Variants in GRIA1 observed in about 807,000 individuals in gnomAD.
GRIA1 encodes the protein glutamate receptor 1.
In GRIA1, 31 loss-of-function variants were observed where a neutral mutation model predicts 99.2. That is an observed-to-expected ratio of 0.31 (90% CI 0.23 to 0.42). The LOEUF (loss-of-function observed/expected upper bound fraction) is 0.42. Among genes scored for constraint, GRIA1 ranks in the 10% least tolerant of loss-of-function variants. The pLI is 1.00. For missense variants in GRIA1, 782 were observed against 1,157.5 expected (o/e 0.68, Z 4.71); for synonymous variants, 438 against 432.4 (o/e 1.01, Z -0.16).
intron 2 of GRIA1, among the ~76,000 whole-genome samples, chr5:153,591,471 A>G (rs1303265456): frequency 6.6e-6 from 1 of 152,218 alleles, no homozygotes; most frequent in Non-Finnish European, 1.5e-5. Context: ...ACAGGTATTC[A>G]TAATACATAA....
chr5:153,561,966 C>T (rs72800792), intron 2 of GRIA1, among the ~76,000 whole-genome samples: 14,740 of 152,136 alleles, frequency 0.097, 794 homozygotes, highest in South Asian at 0.19. Context: ...TAAAGCAAAG[C>T]GATAGAACAC....
intron 11 of GRIA1, chr5:153,755,603 A>C (rs1762776702): frequency 6.6e-6 from 1 of 152,208 alleles, no homozygotes; most frequent in Non-Finnish European, 1.5e-5. Flanking sequence ...CAAAACTCTG[A>C]TGCTGATCAG....
intron 2 of GRIA1, among the ~76,000 whole-genome samples, chr5:153,580,180 G>A (rs2149374255): frequency 6.6e-6 from 1 of 152,286 alleles, no homozygotes; most frequent in Admixed American, 6.5e-5. Context: ...TCCCCTCTGA[G>A]GACCATCTTA....
chr5:153,584,607 G>A (rs934810379), intron 2 of GRIA1, among the ~76,000 whole-genome samples: 22 of 152,108 alleles, frequency 1.4e-4, no homozygotes, highest in Non-Finnish European at 2.9e-5. Context: ...GGGACCCTGA[G>A]GAAGACATCA....
intron 5 of GRIA1, among the ~76,000 whole-genome samples, chr5:153,671,710 C>T (rs1306043474): frequency 2.0e-5 from 3 of 152,190 alleles, no homozygotes; most frequent in African/African-American, 7.2e-5. Context: ...TGAGGAAAGT[C>T]TCTGGCTTTT....
chr5:153,717,586 T>C (rs895287023), intron 11 of GRIA1, among the ~76,000 whole-genome samples: 7 of 152,112 alleles, frequency 4.6e-5, no homozygotes, highest in East Asian at 3.9e-4. Flanking sequence ...ACCATGACTT[T>C]TGGGGCCCTG....
intron 2 of GRIA1, among the ~76,000 whole-genome samples, chr5:153,577,502 G>A (rs1369785466): frequency 6.6e-6 from 1 of 152,170 alleles, no homozygotes; most frequent in African/African-American, 2.4e-5. Flanking sequence ...TGTAGATAAT[G>A]TGTTTGGAGT....
chr5:153,753,048 A>G (rs984925918), intron 11 of GRIA1, among the ~76,000 whole-genome samples: 4 of 152,222 alleles, frequency 2.6e-5, no homozygotes, highest in Non-Finnish European at 5.9e-5. Context: ...CCTCAATCCT[A>G]TAACCACAAG....
intron 11 of GRIA1, among the ~76,000 whole-genome samples, chr5:153,707,888 T>A (rs756482732): frequency 9.2e-5 from 14 of 151,820 alleles, no homozygotes; most frequent in Admixed American, 2.0e-4. Context: ...AAACACATGG[T>A]GAAGAGTAGA....
chr5:153,490,620 G>A (rs1428003375), upstream of GRIA1: 5 of 516,666 alleles, frequency 9.7e-6, no homozygotes, highest in South Asian at 2.1e-5. Flanking sequence ...GAGGGAGTGG[G>A]GGAGCCAGCG....
At chr5:153,577,760 G>A (rs943118891) in intron 2 of GRIA1, among the ~76,000 whole-genome samples, 7 of 152,204 alleles carry the variant, frequency 4.6e-5, no homozygotes, top group African/African-American at 1.7e-4. Context: ...ACACAGTAGT[G>A]AGTAAGGGGG....
chr5:153,643,898 T>A (rs1213282866), intron 2 of GRIA1, among the ~76,000 whole-genome samples: 4 of 152,172 alleles, frequency 2.6e-5, no homozygotes, highest in Non-Finnish European at 5.9e-5. Flanking sequence ...CATCTCACCC[T>A]TTCCTACTTC....
rs2112738 is a variant in GRIA1 at position 153,607,065 on chromosome 5, A to G, written c.221-39863A>G. 2.8e-3 allele frequency among the ~76,000 whole-genome samples: 407 copies of G among 147,380 alleles called. 9 individuals are homozygous for G. The highest frequency in any genetic ancestry group is 9.9e-3 in the African/African-American group (400 of 40,362). On this transcript the variant is annotated intron_variant, in intron 2 of 15. Coordinates refer to ENST00000285900, the MANE Select transcript of GRIA1 (RefSeq NM_000827.4). ...AAGATATATATATATATATATATAT[A>G]TATAATCACAGTTTCTTTATCCACT...
intron 5 of GRIA1, among the ~76,000 whole-genome samples, chr5:153,659,533 C>T (rs1755205842): frequency 6.6e-6 from 1 of 152,098 alleles, no homozygotes; most frequent in Admixed American, 6.6e-5. Flanking sequence ...CAGAGTCCTT[C>T]AGAGTTGTAG....
intron 2 of GRIA1, among the ~76,000 whole-genome samples, chr5:153,537,713 T>C (rs1758712456): frequency 6.6e-6 from 1 of 152,322 alleles, no homozygotes; most frequent in South Asian, 2.1e-4. Context: ...TGCAACCAAA[T>C]GCACATTCAG....
At chr5:153,573,156 G>A (rs1762264640) in intron 2 of GRIA1, 1 of 152,182 alleles carries the variant, frequency 6.6e-6, no homozygotes, top group African/African-American at 2.4e-5. Context: ...GTATTGTTGA[G>A]GGTGCCAGGA....
In GRIA1 at chr5:153,784,203, G is replaced by A. The variant is rs117848833; in HGVS notation, c.2271-10418G>A. On this transcript the variant is annotated intron_variant, in intron 13 of 15. Transcript: ENST00000285900. ...ACCCTGGTTTGCTCAGGATTGAGGG[G>A]GTTTCCAGGATGTGGAACTTTGGGT... Among the ~76,000 whole-genome samples, 21 of 152,170 alleles carry A rather than the reference G, an allele frequency of 1.4e-4. No individual in the cohort carries two copies. In the East Asian group the frequency reaches 3.7e-3, roughly 27 times the overall value.
intron 2 of GRIA1, among the ~76,000 whole-genome samples, chr5:153,583,531 G>C (rs187515825): frequency 6.6e-6 from 1 of 151,964 alleles, no homozygotes; most frequent in Admixed American, 6.6e-5. Context: ...CTTTCCCCTC[G>C]TGTGTCTGTG....
Position 153,647,139 on chromosome 5 carries a change from A to G in GRIA1, c.432A>G (p.Lys144=), listed in dbSNP as rs750488044. 6.2e-7 allele frequency: 1 copy of G among 1,613,912 alleles called. No homozygotes were observed. The highest frequency in any genetic ancestry group is 1.3e-5 in the African/African-American group (1 of 75,008). ...ISIIDHYKWQ[K]FVYIYDADRG... Reference sequence around the variant, plus strand: ...TCATTGACCATTACAAGTGGCAGAAATTTGTCTACATTTATGATGCCGACC... The same window carrying G: ...TCATTGACCATTACAAGTGGCAGAAGTTTGTCTACATTTATGATGCCGACC... The change falls in exon 3 of 16, where the codon AAA becomes AAG. Residue 144 remains lysine (K), a synonymous_variant. Coordinates refer to ENST00000285900, the MANE Select transcript of GRIA1 (RefSeq NM_000827.4).
Sources: gnomAD v4.1 joint callset for allele counts (sites outside exome capture counted in the v4.1 genomes callset) on GRCh38, gnomAD v4.1.1 for gene constraint, MANE v1.5 for transcripts, NCBI Gene and HGNC (gene_info 2026-07-23, HGNC 2026-07-21) for gene names.